Variants in LRRC37A observed in about 807,000 individuals in gnomAD.
LRRC37A encodes the protein leucine rich repeat containing 37A.
LRRC37A carries 3 observed loss-of-function variants against 35.4 expected under a neutral mutation model. The observed-to-expected ratio is 0.08, with a 90% confidence interval of 0.04 to 0.22. The LOEUF is 0.22. LRRC37A is among the 10% of genes least tolerant of loss of function. The pLI is 1.00. For synonymous variants in LRRC37A, 23 were observed against 215.0 expected, an observed-to-expected ratio of 0.11 and a Z score of 7.81; for missense variants, 67 against 565.3, an observed-to-expected ratio of 0.12 and a Z score of 8.94.
chr17:46,276,133 C>T, the LRRC37A span, among the ~76,000 whole-genome samples: 5 of 152,214 alleles, frequency 3.3e-5, no homozygotes, highest in African/African-American at 4.8e-5. Context: ...TCAGGTGATC[C>T]GCCCGCCTCG....
At chr17:46,284,057 C>T in the LRRC37A span, among the ~76,000 whole-genome samples, 1 of 152,402 alleles carries the variant, frequency 6.6e-6, no homozygotes, top group Admixed American at 6.5e-5. Flanking sequence ...TATACCGAGA[C>T]ATTCCATTGC....
chr17:46,266,862 G>C, the LRRC37A span, among the ~76,000 whole-genome samples: 1 of 150,290 alleles, frequency 6.7e-6, no homozygotes, highest in Non-Finnish European at 1.5e-5. Context: ...TCGCCGCGCC[G>C]CGGGCCCGCG....
the LRRC37A span, among the ~76,000 whole-genome samples, chr17:46,253,923 CTG>C: frequency 1.3e-5 from 2 of 152,174 alleles, no homozygotes; most frequent in African/African-American, 4.8e-5. Context: ...GATTAATAAA[CTG>C]AGAGAGGATT....
At chr17:46,273,583 A>C in the LRRC37A span, among the ~76,000 whole-genome samples, 1 of 152,366 alleles carries the variant, frequency 6.6e-6, no homozygotes, top group South Asian at 2.1e-4. Context: ...TAATTAGATA[A>C]ATTCCAGAAG....
chr17:46,251,360 G>A, the LRRC37A span, among the ~76,000 whole-genome samples: 10 of 151,820 alleles, frequency 6.6e-5, no homozygotes, highest in African/African-American at 2.4e-4. Flanking sequence ...CCGGGTTCAA[G>A]CGATTCTCCT....
At chr17:46,286,517 T>G in the LRRC37A span, among the ~76,000 whole-genome samples, 2 of 152,262 alleles carry the variant, frequency 1.3e-5, no homozygotes, top group Non-Finnish European at 2.9e-5. Context: ...CAAGTCAAGC[T>G]AGTTTAATCT....
chr17:46,253,766 G>A, the LRRC37A span, among the ~76,000 whole-genome samples: 1 of 151,060 alleles, frequency 6.6e-6, no homozygotes, highest in African/African-American at 2.4e-5. Context: ...AGAGGGAGAG[G>A]GAGGGGGAGG....
At chr17:46,270,479 C>A in the LRRC37A span, among the ~76,000 whole-genome samples, 1 of 152,128 alleles carries the variant, frequency 6.6e-6, no homozygotes, top group Admixed American at 6.5e-5. Flanking sequence ...ACTAGAATTG[C>A]TTTTTGGGAG....
At chr17:46,265,773 C>T in the LRRC37A span, among the ~76,000 whole-genome samples, 2 of 152,208 alleles carry the variant, frequency 1.3e-5, no homozygotes, top group African/African-American at 2.4e-5. Context: ...CCACCATGCC[C>T]GGCCTCAACA....
At chr17:46,269,057 C>G in the LRRC37A span, among the ~76,000 whole-genome samples, 1 of 152,190 alleles carries the variant, frequency 6.6e-6, no homozygotes, top group South Asian at 2.1e-4. Flanking sequence ...AAATACACAA[C>G]TTTTATATCA....
chr17:46,262,787 G>GAA, the LRRC37A span, among the ~76,000 whole-genome samples: 2 of 124,722 alleles, frequency 1.6e-5, no homozygotes, highest in East Asian at 2.7e-4. Flanking sequence ...CTCGGTCTTG[G>GAA]AAAAAAAAAA....
upstream of LRRC37A, among the ~76,000 whole-genome samples, chr17:46,289,891 C>T (rs1191087200): frequency 2.6e-5 from 4 of 152,274 alleles, no homozygotes; most frequent in Admixed American, 6.5e-5. Context: ...AGGCCGAGGG[C>T]GGAAGATCAC....
At chr17:46,266,101 T>C in the LRRC37A span, among the ~76,000 whole-genome samples, 1 of 152,230 alleles carries the variant, frequency 6.6e-6, no homozygotes, top group Non-Finnish European at 1.5e-5. Context: ...TTGGTGTCTC[T>C]AGAAATTGCC....
the LRRC37A span, among the ~76,000 whole-genome samples, chr17:46,279,339 A>G: frequency 6.6e-6 from 1 of 151,516 alleles, no homozygotes; most frequent in Non-Finnish European, 1.5e-5. Flanking sequence ...GCCTACCACA[A>G]TGCCTGGCTA....
the LRRC37A span, chr17:46,268,474 A>G: frequency 6.1e-6 from 8 of 1,315,626 alleles, no homozygotes; most frequent in African/African-American, 6.2e-5. Flanking sequence ...AAAAGACGCT[A>G]TGAATTAATG....
the LRRC37A span, chr17:46,268,773 C>A: frequency 9.3e-7 from 1 of 1,079,618 alleles, no homozygotes; most frequent in Non-Finnish European, 1.3e-6. Context: ...GTAATGGGTC[C>A]TCCTTTAGAA....
At chr17:46,252,526 C>G in the LRRC37A span, among the ~76,000 whole-genome samples, 1 of 148,604 alleles carries the variant, frequency 6.7e-6, no homozygotes, top group Non-Finnish European at 1.5e-5. Flanking sequence ...CTGCGCCTTC[C>G]GCAGTCTTTG....
chr17:46,275,389 G>T, the LRRC37A span: 4 of 1,003,086 alleles, frequency 4.0e-6, no homozygotes, highest in East Asian at 1.5e-4. Flanking sequence ...ACTTTAGGAA[G>T]CTGTAGACTG....
At chr17:46,252,789 G>A in the LRRC37A span, among the ~76,000 whole-genome samples, 4 of 152,138 alleles carry the variant, frequency 2.6e-5, no homozygotes, top group East Asian at 1.9e-4. Flanking sequence ...ACACAGACAC[G>A]GCAACCATCC....
Sources: gnomAD v4.1 joint callset for allele counts (sites outside exome capture counted in the v4.1 genomes callset) on GRCh38, gnomAD v4.1.1 for gene constraint, MANE v1.5 for transcripts, NCBI Gene and HGNC (gene_info 2026-07-23, HGNC 2026-07-21) for gene names.